RHBDL2: variants seen among roughly 807,000 people sequenced by gnomAD.
The protein encoded by RHBDL2 is rhomboid like 2.
RHBDL2 carries 26 observed loss-of-function variants against 31.7 expected under a neutral mutation model. The observed-to-expected ratio is 0.82, with a 90% CI of 0.60 to 1.14. RHBDL2 has a LOEUF of 1.14. RHBDL2 is among the 50% of genes most tolerant of loss of function. The pLI is 0.00. For missense variants in RHBDL2, 336 were observed against 364.4 expected (o/e 0.92, Z 0.63); for synonymous variants, 123 against 127.2 (o/e 0.97, Z 0.22).
intron 1 of RHBDL2, among the ~76,000 whole-genome samples, chr1:38,933,975 C>T (rs4970565): frequency 1.1e-3 from 160 of 151,982 alleles, no homozygotes; most frequent in African/African-American, 3.7e-3. Context: ...TGATCCACCC[C>T]CTTTGGCCTC....
chr1:38,920,064 A>T (rs1379696839), intron 1 of RHBDL2, among the ~76,000 whole-genome samples: 3 of 151,944 alleles, frequency 2.0e-5, no homozygotes, highest in Non-Finnish European at 4.4e-5. Context: ...TTCTGTGTCT[A>T]TAGATTGACC....
At chr1:38,932,531 C>T (rs1643449154) in intron 1 of RHBDL2, among the ~76,000 whole-genome samples, 1 of 152,214 alleles carries the variant, frequency 6.6e-6, no homozygotes, top group Non-Finnish European at 1.5e-5. Flanking sequence ...ACGAACTCAG[C>T]TCACTGTAAG....
intron 1 of RHBDL2, among the ~76,000 whole-genome samples, chr1:38,925,664 C>T (rs911641169): frequency 2.6e-5 from 4 of 152,132 alleles, no homozygotes; most frequent in African/African-American, 9.7e-5. Flanking sequence ...CACAGCATGC[C>T]AATTTATCCA....
intron 4 of RHBDL2, among the ~76,000 whole-genome samples, chr1:38,904,689 TTA>T (rs747300854): frequency 1.4e-5 from 2 of 147,278 alleles, no homozygotes; most frequent in Non-Finnish European, 1.5e-5. Flanking sequence ...ACATATATAT[TTA>T]TATATATATA....
rs770169792 is a variant in RHBDL2, at chr1:38,902,201, C to CTT, written c.509-6134_509-6133dup. Among the ~76,000 whole-genome samples the CTT allele has an allele frequency of 5.4e-3, 498 of 92,804 alleles. 9 individuals carry two copies. The highest frequency in any genetic ancestry group is 8.9e-3 in the East Asian group (26 of 2,934). 60.9% of individuals were successfully genotyped at this position (92,804 alleles called of 152,430 possible). ...TTTTGTTTTCTTCTTTTTTCTTTTT[C>CTT]TTTTTTTTTTTTTTTTTTTTTTGAG... On this transcript the variant is annotated intron_variant, in intron 4 of 7. Coordinates refer to ENST00000372990, the MANE Select transcript of RHBDL2 (RefSeq NM_017821.5).
At chr1:38,928,510 G>A (rs537441829) in intron 1 of RHBDL2, among the ~76,000 whole-genome samples, 53 of 151,414 alleles carry the variant, frequency 3.5e-4, no homozygotes, top group African/African-American at 1.2e-3. Flanking sequence ...GCAATGGCAC[G>A]ATCTTGGCTC....
At chr1:38,899,220 A>T (rs1000480154) in intron 4 of RHBDL2, among the ~76,000 whole-genome samples, 1 of 152,228 alleles carries the variant, frequency 6.6e-6, no homozygotes, top group African/African-American at 2.4e-5. Flanking sequence ...TTTGATCAGG[A>T]TGAAGTTAGC....
rs531998644 is a variant in RHBDL2, at chr1:38,916,315, C to T, written c.247-605G>A. Among the ~76,000 whole-genome samples, 7 of 152,310 alleles carry T rather than the reference C, an allele frequency of 4.6e-5. No homozygotes were observed. The East Asian group carries it at 1.4e-3, about 29-fold the overall frequency. ...TCACGAGAAAAGCATCAGTCAAACC[C>T]CAGCTGGGGGACATTCTACAGGATC... is the stretch of plus-strand genomic sequence containing the variant. On this transcript the variant is annotated intron_variant, in intron 2 of 7. Coordinates refer to ENST00000372990, the MANE Select transcript of RHBDL2 (RefSeq NM_017821.5).
At chr1:38,938,903 A>G (rs995940159) in intron 1 of RHBDL2, among the ~76,000 whole-genome samples, 1 of 152,170 alleles carries the variant, frequency 6.6e-6, no homozygotes, top group Non-Finnish European at 1.5e-5. Flanking sequence ...TTGACTCCCT[A>G]TTACCTAGTC....
chr1:38,937,474 G>C (rs1557625850), intron 1 of RHBDL2, among the ~76,000 whole-genome samples: 1 of 152,082 alleles, frequency 6.6e-6, no homozygotes. Flanking sequence ...AGTTGAAAAG[G>C]AGAACTTAAA....
intron 3 of RHBDL2, among the ~76,000 whole-genome samples, chr1:38,914,053 G>A (rs1404836690): frequency 6.6e-6 from 1 of 151,528 alleles, no homozygotes; most frequent in Non-Finnish European, 1.5e-5. Flanking sequence ...GGAGCCAGAG[G>A]TTGCAGTGAG....
At chr1:38,903,498 T>C (rs72925173) in intron 4 of RHBDL2, among the ~76,000 whole-genome samples, 2,870 of 152,206 alleles carry the variant, frequency 0.019, 102 homozygotes, top group African/African-American at 0.065. Context: ...ATGAAATACA[T>C]AGAGATAAAT....
At chr1:38,887,511 G>A (rs972575568) in intron 7 of RHBDL2, among the ~76,000 whole-genome samples, 1 of 152,042 alleles carries the variant, frequency 6.6e-6, no homozygotes, top group Non-Finnish European at 1.5e-5. Flanking sequence ...TGCAACCTCC[G>A]CCTCCCAGAT....
chr1:38,905,110 G>A (rs1643046483), intron 4 of RHBDL2, among the ~76,000 whole-genome samples: 1 of 151,776 alleles, frequency 6.6e-6, no homozygotes, highest in South Asian at 2.1e-4. Flanking sequence ...AAGAGAATAA[G>A]GCCAGGCACG....
At position 38,911,652 on chromosome 1, in the gene RHBDL2, G is replaced by A. The variant is rs535651321; in HGVS notation, c.396-218C>T. On this transcript the variant is annotated intron_variant, in intron 3 of 7. Coordinates refer to ENST00000372990, the MANE Select transcript of RHBDL2 (RefSeq NM_017821.5). ...TGTGTGTGTGTGTGTGTGTGCGCGC[G>A]CGCGCGCGTGTGTGACTTGCTGTGT... 2.6e-3 allele frequency among the ~76,000 whole-genome samples: 387 copies of A among 149,608 alleles called. 2 individuals carry two copies. Among genetic ancestry groups the A allele is most frequent in the Middle Eastern group, 3.4e-3 (1 of 292 alleles).
chr1:38,933,359 C>G (rs1436354254), intron 1 of RHBDL2, among the ~76,000 whole-genome samples: 1 of 152,184 alleles, frequency 6.6e-6, no homozygotes, highest in Non-Finnish European at 1.5e-5. Flanking sequence ...TGCCTTCCCG[C>G]ACCCCTATAT....
chr1:38,924,518 C>T lies in RHBDL2; in HGVS notation c.-125-5181G>A, dbSNP rs182486948. Among the ~76,000 whole-genome samples, 9 of 151,974 alleles carry T rather than the reference C, an allele frequency of 5.9e-5. No homozygotes were observed. In the East Asian group the frequency reaches 1.4e-3, roughly 23 times the overall value. ...CTGAAGCAGGGGAATAGCATGAACC[C>T]AGGAGGCGGAGGTTGCAGTGAGCCG... On this transcript the variant is annotated intron_variant, in intron 1 of 7. Transcript: ENST00000372990.
chr1:38,899,205 T>C (rs1246788562), intron 4 of RHBDL2, among the ~76,000 whole-genome samples: 1 of 152,090 alleles, frequency 6.6e-6, no homozygotes, highest in Non-Finnish European at 1.5e-5. Flanking sequence ...AGTAGGAAAA[T>C]CAAGTTTGAT....
Position 38,887,537 on chromosome 1 carries a change from G to A in RHBDL2, c.732+426C>T, listed in dbSNP as rs569816317. On this transcript the variant is annotated intron_variant, in intron 7 of 7. Coordinates refer to ENST00000372990, the MANE Select transcript of RHBDL2 (RefSeq NM_017821.5). ...CCTCCCAGATTCAAGCGATTCTCCTGCCTCAGCTTCCCGAGTAGCTGGGAT... is the reference window on the plus strand; with the variant it reads ...CCTCCCAGATTCAAGCGATTCTCCTACCTCAGCTTCCCGAGTAGCTGGGAT... Among the ~76,000 whole-genome samples, 224 of 152,294 alleles carry A rather than the reference G, an allele frequency of 1.5e-3. 2 individuals carry two copies. Among genetic ancestry groups the A allele is most frequent in the Non-Finnish European group, 7.1e-4 (48 of 68,016 alleles).
Sources: gnomAD v4.1 joint callset for allele counts (sites outside exome capture counted in the v4.1 genomes callset) on GRCh38, gnomAD v4.1.1 for gene constraint, MANE v1.5 for transcripts, NCBI Gene and HGNC (gene_info 2026-07-23, HGNC 2026-07-21) for gene names.